The following MAD1L1 variants were observed in gnomAD, a reference collection of about 807,000 sequenced individuals.
MAD1L1 encodes the protein mitotic arrest deficient 1 like 1.
Under a neutral mutation model 96.9 loss-of-function variants are expected in MAD1L1, and 95 were observed. The ratio of observed to expected loss-of-function variants is 0.98; its 90% confidence interval spans 0.83 to 1.16. MAD1L1 has a LOEUF of 1.16. Among genes scored for constraint, MAD1L1 ranks in the 50% most tolerant of loss-of-function variants. MAD1L1 has a pLI of 0.00. For missense variants in MAD1L1, 1,007 were observed against 954.4 expected (o/e 1.06, Z -0.73); for synonymous variants, 473 against 396.6 (o/e 1.19, Z -2.29).
At chr7:1,847,329 A>G (rs2128637499) in intron 18 of MAD1L1, 1 of 471,122 alleles carries the variant, frequency 2.1e-6, no homozygotes, top group Middle Eastern at 3.2e-4. Context: ...CAAACCAGGC[A>G]TGGCAGGCGG....
chr7:1,843,808 C>A (rs1783422585), intron 18 of MAD1L1, among the ~76,000 whole-genome samples: 1 of 152,210 alleles, frequency 6.6e-6, no homozygotes, highest in Non-Finnish European at 1.5e-5. Flanking sequence ...CACCTCCTAC[C>A]CAGACAGCGT....
At chr7:1,822,221 A>T (rs1209591426) in intron 18 of MAD1L1, among the ~76,000 whole-genome samples, 1 of 152,040 alleles carries the variant, frequency 6.6e-6, no homozygotes, top group Non-Finnish European at 1.5e-5. Context: ...AATTTACAGA[A>T]CATCTTAAAT....
chr7:2,195,156 C>T (rs1228921957), intron 10 of MAD1L1, among the ~76,000 whole-genome samples: 1 of 151,984 alleles, frequency 6.6e-6, no homozygotes, highest in Non-Finnish European at 1.5e-5. Context: ...TTAGCAGTGA[C>T]CCCTACTGGG....
intron 11 of MAD1L1, among the ~76,000 whole-genome samples, chr7:2,139,538 A>G (rs942112879): frequency 2.6e-5 from 4 of 152,364 alleles, no homozygotes; most frequent in Non-Finnish European, 4.4e-5. Flanking sequence ...TATGGAAAAT[A>G]CAACACTCAT....
intron 18 of MAD1L1, among the ~76,000 whole-genome samples, chr7:1,867,667 G>C (rs1020893137): frequency 6.6e-6 from 1 of 152,192 alleles, no homozygotes; most frequent in African/African-American, 2.4e-5. Flanking sequence ...CCTCCTGCAG[G>C]CAGGGAGAAG....
intron 10 of MAD1L1, among the ~76,000 whole-genome samples, chr7:2,171,217 C>T (rs1040400023): frequency 9.9e-5 from 15 of 152,176 alleles, no homozygotes; most frequent in African/African-American, 3.4e-4. Context: ...GCGAAGGGCA[C>T]TCTCATTCTC....
intron 10 of MAD1L1, among the ~76,000 whole-genome samples, chr7:2,211,862 G>A (rs562840771): frequency 5.6e-4 from 85 of 152,352 alleles, no homozygotes; most frequent in African/African-American, 1.9e-3. Flanking sequence ...CTTTCAGAGA[G>A]TCTCAGTCTC....
intron 18 of MAD1L1, chr7:1,872,497 T>C (rs1960598682): frequency 6.6e-6 from 1 of 152,268 alleles, no homozygotes; most frequent in African/African-American, 2.4e-5. Flanking sequence ...CTAGCCCATG[T>C]CTGGCATCCA....
intron 18 of MAD1L1, chr7:1,847,162 G>C: frequency 9.3e-6 from 4 of 428,802 alleles, no homozygotes; most frequent in Non-Finnish European, 1.9e-5. Flanking sequence ...CGTCTGTCCT[G>C]GGAACAAGGA....
rs897007471 is a variant in MAD1L1 at position 1,897,577 on chromosome 7, G to A, written c.1998+623C>T. Among the ~76,000 whole-genome samples the A allele has an allele frequency of 3.3e-5, 5 of 152,226 alleles. No homozygotes were observed. The East Asian group carries it at 9.6e-4, about 29-fold the overall frequency. ...CCAAGTGGGGCCACCTCCACCCTGAGGGTCAACACATAACACCCCAATTTC... is the reference window on the plus strand; with the variant it reads ...CCAAGTGGGGCCACCTCCACCCTGAAGGTCAACACATAACACCCCAATTTC... On this transcript the variant is annotated intron_variant, in intron 18 of 18. Coordinates refer to ENST00000265854, the MANE Select transcript of MAD1L1 (RefSeq NM_001013836.2).
At chr7:2,001,927 G>A (rs556662621) in intron 14 of MAD1L1, 138 bp downstream of exon 14, 113 of 859,472 alleles carry the variant, frequency 1.3e-4, no homozygotes, top group African/African-American at 9.1e-4. Context: ...ACCCTTCCCC[G>A]CTCAACGCAG....
At chr7:2,125,201 G>A (rs1341958719) in intron 11 of MAD1L1, among the ~76,000 whole-genome samples, 1 of 152,156 alleles carries the variant, frequency 6.6e-6, no homozygotes, top group African/African-American at 2.4e-5. Context: ...GCAAGTCACC[G>A]CCACTGTTGC....
chr7:1,974,534 C>T (rs1411538746), intron 15 of MAD1L1, among the ~76,000 whole-genome samples: 1 of 152,166 alleles, frequency 6.6e-6, no homozygotes, highest in Non-Finnish European at 1.5e-5. Context: ...AACAGACTCT[C>T]AGGAAACGAA....
At chr7:2,046,269 C>T (rs989982781) in intron 12 of MAD1L1, among the ~76,000 whole-genome samples, 3 of 152,214 alleles carry the variant, frequency 2.0e-5, no homozygotes, top group Admixed American at 1.3e-4. Flanking sequence ...TGGACGGCAG[C>T]GCAGGCAAAT....
At chr7:2,127,515 A>G (rs888343215) in intron 11 of MAD1L1, among the ~76,000 whole-genome samples, 29 of 151,922 alleles carry the variant, frequency 1.9e-4, no homozygotes, top group African/African-American at 6.5e-4. Flanking sequence ...GCCCGACCAC[A>G]CCGACCGGTA....
chr7:2,108,936 G>T (rs1026402602), intron 11 of MAD1L1, among the ~76,000 whole-genome samples: 23 of 152,226 alleles, frequency 1.5e-4, no homozygotes, highest in African/African-American at 1.7e-4. Context: ...CAGGGCCCCC[G>T]CGAGGGCTCG....
In MAD1L1 at chr7:2,114,025, C is replaced by G. The variant is rs1023912358; in HGVS notation, c.1073+35127G>C. Among the ~76,000 whole-genome samples the G allele has an allele frequency of 1.3e-5, 2 of 152,208 alleles. No individual in the cohort carries two copies. The highest frequency in any genetic ancestry group is 2.9e-5 in the Non-Finnish European group (2 of 68,038). Reference sequence around the variant, plus strand: ...AAAAGGAGCTCAGTGGGAGAGCCGGCAAGACCTGAACGCAGTCAGGACCCG... The same window carrying G: ...AAAAGGAGCTCAGTGGGAGAGCCGGGAAGACCTGAACGCAGTCAGGACCCG... On this transcript the variant is annotated intron_variant, in intron 11 of 18. Transcript: ENST00000265854. This position sits in a 1 kb window ranked among gnomAD's most constrained non-coding sequence, Gnocchi z 4.2.
chr7:1,907,412 A>G (rs531354589), intron 17 of MAD1L1, among the ~76,000 whole-genome samples: 3 of 152,364 alleles, frequency 2.0e-5, no homozygotes, highest in Admixed American at 2.0e-4. Context: ...AATGAATCAA[A>G]TACAGTTAAC....
At chr7:2,052,897 GC>G (rs139512608) in intron 12 of MAD1L1, among the ~76,000 whole-genome samples, 2,879 of 152,242 alleles carry the variant, frequency 0.019, 48 homozygotes, top group Non-Finnish European at 0.03. Context: ...GAGATAGGAA[GC>G]CATGTGTCCC....
Sources: allele counts gnomAD v4.1 joint callset (sites outside exome capture counted in the v4.1 genomes callset), GRCh38; gene constraint gnomAD v4.1.1; non-coding constraint Gnocchi (gnomAD v3.1); transcripts MANE v1.5; gene names NCBI Gene and HGNC (gene_info 2026-07-23, HGNC 2026-07-21).